SYT12: variants seen among roughly 807,000 people sequenced by gnomAD.
SYT12 encodes the protein synaptotagmin 12.
A neutral mutation model predicts 39.5 loss-of-function variants in SYT12; 27 were observed. The ratio of observed to expected loss-of-function variants is 0.68; its 90% CI spans 0.50 to 0.94. The LOEUF (loss-of-function observed/expected upper bound fraction) is 0.94, where lower values mean the gene tolerates loss of function less well. SYT12 is among the 40% of genes least tolerant of loss of function. SYT12 has a pLI of 0.00. For missense variants in SYT12, 536 were observed against 572.6 expected (o/e 0.94, Z 0.65); for synonymous variants, 233 against 239.7 (o/e 0.97, Z 0.26).
At chr11:67,015,126 A>G (rs749247382) in intron 3 of SYT12, among the ~76,000 whole-genome samples, 1 of 152,116 alleles carries the variant, frequency 6.6e-6, no homozygotes, top group African/African-American at 2.4e-5. Context: ...CAACAATGGG[A>G]GATCCCTGCC....
At chr11:67,040,459 C>T (rs940650603) in intron 4 of SYT12, among the ~76,000 whole-genome samples, 1 of 152,152 alleles carries the variant, frequency 6.6e-6, no homozygotes, top group African/African-American at 2.4e-5. Flanking sequence ...TGGCAACTGT[C>T]GTTGTCCACA....
In SYT12 at chr11:67,044,616, C is replaced by A; in HGVS notation, c.861C>A (p.Ile287=). The change falls in exon 6 of 8, where the codon ATC becomes ATA. Residue 287 remains isoleucine (I), a synonymous_variant. Transcript: ENST00000527043. ...AGGCCGCCGATGCTGTGGGGGAGAT[C>A]CTGCTCTCCCTCAGCTACCTCCCCA... ...QNKAADAVGE[I]LLSLSYLPTA... The A allele has an allele frequency of 6.2e-7, 1 of 1,613,288 alleles. No homozygotes were observed. Among genetic ancestry groups the A allele is most frequent in the East Asian group, 2.2e-5 (1 of 44,882 alleles).
intron 7 of SYT12, among the ~76,000 whole-genome samples, chr11:67,046,839 C>G (rs1002205620): frequency 6.6e-6 from 1 of 152,204 alleles, no homozygotes; most frequent in African/African-American, 2.4e-5. Context: ...CTCCCGTCCT[C>G]GGTTGTGAGT....
chr11:67,025,915 C>G (rs1950174914), intron 1 of SYT12, among the ~76,000 whole-genome samples: 1 of 152,108 alleles, frequency 6.6e-6, no homozygotes, highest in Admixed American at 6.5e-5. Context: ...ACAGGAATGA[C>G]TGCCAGGCCC....
chr11:67,044,332 G>A (rs897116694), intron 5 of SYT12, among the ~76,000 whole-genome samples: 2 of 152,154 alleles, frequency 1.3e-5, no homozygotes, highest in South Asian at 2.1e-4. Flanking sequence ...TTGACAGGCC[G>A]CCTCTGACCC....
chr11:67,040,341 C>T, intron 4 of SYT12, 138 bp downstream of exon 4: 1 of 1,247,794 alleles, frequency 8.0e-7, no homozygotes, highest in Non-Finnish European at 1.1e-6. Flanking sequence ...AGAGCTGAAG[C>T]TTCAGACTGT....
At chr11:67,031,990 C>T (rs1021299365) in intron 2 of SYT12, 2 of 152,288 alleles carry the variant, frequency 1.3e-5, no homozygotes, top group African/African-American at 2.4e-5. Flanking sequence ...CATGGGCATA[C>T]GTAGCCCACA....
chr11:67,041,643 G>A (rs1378463861), intron 4 of SYT12, among the ~76,000 whole-genome samples: 1 of 152,078 alleles, frequency 6.6e-6, no homozygotes, highest in Non-Finnish European at 1.5e-5. Context: ...GAGGTTACTG[G>A]GCCCAAAAGG....
chr11:67,015,120 A>G (rs1950046641), intron 3 of SYT12, among the ~76,000 whole-genome samples: 1 of 151,888 alleles, frequency 6.6e-6, no homozygotes, highest in African/African-American at 2.4e-5. Flanking sequence ...TTCCCACAAC[A>G]ATGGGAGATC....
chr11:67,015,952 T>G (rs1950055058), intron 3 of SYT12, among the ~76,000 whole-genome samples: 1 of 152,014 alleles, frequency 6.6e-6, no homozygotes, highest in Non-Finnish European at 1.5e-5. Flanking sequence ...GGAAGGCCAG[T>G]GGGCTCATGC....
At chr11:67,017,682 A>G (rs1384381633) in intron 3 of SYT12, among the ~76,000 whole-genome samples, 1 of 149,486 alleles carries the variant, frequency 6.7e-6, no homozygotes, top group Non-Finnish European at 1.5e-5. Flanking sequence ...TTTAAAGGCC[A>G]GGCGCAGTGG....
At chr11:67,035,458 C>CTTTTTTTTTTTTTTTTTTTTTTT (rs1213047598) in intron 3 of SYT12, among the ~76,000 whole-genome samples, 3 of 90,244 alleles carry the variant, frequency 3.3e-5, no homozygotes, top group African/African-American at 5.0e-5. Flanking sequence ...TTTTTCTTTT[C>CTTTTTTTTTTTTTTTTTTTTTTT]TTTTTTTTTT....
Position 67,043,719 on chromosome 11 carries a change from C to T in SYT12, c.703C>T (p.Leu235=). The change falls in exon 5 of 8, where the codon CTG becomes TTG. Residue 235 remains leucine (L), a synonymous_variant. Coordinates refer to ENST00000527043, the MANE Select transcript of SYT12 (RefSeq NM_177963.4). ...LDPTALEEKS[L]RFSVFGIDED... is the part of the protein sequence containing the mutation. ...TCCCACAGCCCTGGAGGAGAAGAGCCTGCGGTTTTCTGTATTTGGCATCGA... is the reference window on the plus strand; with the variant it reads ...TCCCACAGCCCTGGAGGAGAAGAGCTTGCGGTTTTCTGTATTTGGCATCGA... 1 of 1,614,122 alleles carries T rather than the reference C, an allele frequency of 6.2e-7. No individual in the cohort carries two copies. Among genetic ancestry groups the T allele is most frequent in the Non-Finnish European group, 8.5e-7 (1 of 1,180,050 alleles).
chr11:67,026,643 C>G (rs970224514), intron 1 of SYT12: 12 of 151,938 alleles, frequency 7.9e-5, no homozygotes, highest in African/African-American at 2.9e-4. Context: ...ACTCTCCCCG[C>G]ACACACACAC....
At position 67,013,678 on chromosome 11, in the gene SYT12, T is replaced by C. The variant is rs79743015; in HGVS notation, c.-69+2684T>C. ...CTTCTCAGGAGGTTACAGGCCCCTG[T>C]CAAGTGTGGCCCCCGGCGCAGGGCC... On this transcript the variant is annotated intron_variant, in intron 3 of 10. Coordinates refer to the SYT12 transcript ENST00000393946. Among the ~76,000 whole-genome samples the C allele has an allele frequency of 9.6e-3, 1,459 of 152,316 alleles. 30 individuals carry two copies. Among genetic ancestry groups the C allele is most frequent in the African/African-American group, 0.033 (1,352 of 41,576 alleles).
chr11:67,037,071 T>C lies in SYT12; in HGVS notation c.228+2233T>C, dbSNP rs1416220511. Among the ~76,000 whole-genome samples the C allele has an allele frequency of 2.6e-5, 4 of 151,818 alleles. No individual in the cohort carries two copies. In the East Asian group the frequency reaches 7.8e-4, roughly 30 times the overall value. On this transcript the variant is annotated intron_variant, in intron 3 of 7. Coordinates refer to ENST00000527043, the MANE Select transcript of SYT12 (RefSeq NM_177963.4). ...CCTGGGCAACAAGAGCAAAACTCTG[T>C]CTCAAACAAAATAAAACAAAACAAA...
At chr11:67,048,386 C>T (rs908077064) in intron 7 of SYT12, among the ~76,000 whole-genome samples, 198 bp from the exon 8 acceptor site, 2 of 152,076 alleles carry the variant, frequency 1.3e-5, no homozygotes, top group African/African-American at 4.8e-5. Flanking sequence ...CTAGGCAGGC[C>T]TAGTTCAAAC....
intron 1 of SYT12, among the ~76,000 whole-genome samples, chr11:67,009,479 A>G (rs1591347186): frequency 6.6e-6 from 1 of 152,204 alleles, no homozygotes; most frequent in East Asian, 1.9e-4. Flanking sequence ...TTTAGTAGAG[A>G]CTGGGTTTCA....
chr11:67,019,303 T>C (rs1950085339), upstream of SYT12, among the ~76,000 whole-genome samples: 1 of 151,898 alleles, frequency 6.6e-6, no homozygotes. Context: ...AGAAACCCCA[T>C]CTCTACTAAA....
Sources: gnomAD v4.1 joint callset for allele counts (sites outside exome capture counted in the v4.1 genomes callset) on GRCh38, gnomAD v4.1.1 for gene constraint, MANE v1.5 for transcripts, NCBI Gene and HGNC (gene_info 2026-07-23, HGNC 2026-07-21) for gene names.